The following SHANK2 variants were observed in gnomAD, a reference collection of about 807,000 sequenced individuals.
SHANK2 encodes the protein SH3 and multiple ankyrin repeat domains 2, also known as SH3 and multiple ankyrin repeat domains protein 2.
Under a neutral mutation model 133.7 loss-of-function variants are expected in SHANK2, and 43 were observed. That is an observed-to-expected ratio of 0.32 (90% confidence interval 0.25 to 0.41). The LOEUF (loss-of-function observed/expected upper bound fraction) is 0.41, where lower values mean the gene tolerates loss of function less well. SHANK2 is among the 10% of genes least tolerant of loss of function. The pLI, the probability that SHANK2 is intolerant of heterozygous loss-of-function variation, is 1.00. For missense variants in SHANK2, 1,994 were observed against 2,235.8 expected (o/e 0.89, Z 2.18); for synonymous variants, 1,017 against 952.8 (o/e 1.07, Z -1.24).
chr11:70,634,983 G>A (rs2061052314), intron 17 of SHANK2: 1 of 152,156 alleles, frequency 6.6e-6, no homozygotes, highest in African/African-American at 2.4e-5. Context: ...TTAGAGAAAG[G>A]CAAATCCAAA....
At chr11:70,552,303 C>T (rs552074671) in intron 17 of SHANK2, among the ~76,000 whole-genome samples, 11 of 152,248 alleles carry the variant, frequency 7.2e-5, no homozygotes, top group Non-Finnish European at 1.0e-4. Context: ...AATGCCTGGG[C>T]GCCTCCAGCC....
rs540478674 is a variant in SHANK2, at chr11:70,578,963, C to T, written c.2062-76032G>A. 5.4e-4 allele frequency among the ~76,000 whole-genome samples: 82 copies of T among 152,284 alleles called. No homozygotes were observed. In the Middle Eastern group the frequency reaches 0.01, roughly 19 times the overall value. ...CATTCCCACACACCTCAGCACCAGCCGGGCGACCCCATCCACCCTCTGCCC... is the reference window on the plus strand; with the variant it reads ...CATTCCCACACACCTCAGCACCAGCTGGGCGACCCCATCCACCCTCTGCCC... On this transcript the variant is annotated intron_variant, in intron 17 of 25. Transcript: ENST00000601538.
chr11:71,224,510 A>T (rs1288742882), intron 2 of SHANK2, among the ~76,000 whole-genome samples, 187 bp downstream of exon 2: 1 of 152,204 alleles, frequency 6.6e-6, no homozygotes, highest in Non-Finnish European at 1.5e-5. Context: ...AAGGTCACAC[A>T]AGCGGGCCAC....
At chr11:70,513,886 C>T (rs868946663) in intron 17 of SHANK2, among the ~76,000 whole-genome samples, 4 of 152,016 alleles carry the variant, frequency 2.6e-5, no homozygotes, top group East Asian at 3.9e-4. Context: ...TCTAACATAA[C>T]GTGAACGAGA....
At chr11:71,176,776 AAG>A (rs1363276492) in intron 2 of SHANK2, among the ~76,000 whole-genome samples, 2 of 152,154 alleles carry the variant, frequency 1.3e-5, no homozygotes, top group Non-Finnish European at 2.9e-5. Context: ...TCTAAAAAAA[AAG>A]AGGGGGGAAC....
Position 70,486,071 on chromosome 11 carries a change from T to C in SHANK2, c.4222A>G (p.Thr1408Ala). 1 of 1,613,886 alleles carries C rather than the reference T, an allele frequency of 6.2e-7. No homozygotes were observed. Among genetic ancestry groups the C allele is most frequent in the Non-Finnish European group, 8.5e-7 (1 of 1,179,970 alleles). ...TCCAGGGGAGGAGGCAATGGCTCTG[T>C]AAAAATAAAATCCTCATCCAAGTCC... ...SVDLDEDFIF[T>A]EPLPPPLEFA... The change falls in exon 25 of 26, where the codon ACA becomes GCA. Residue 1408 changes from threonine to alanine, a missense_variant. This residue lies in a region of SHANK2 where 797 missense variants were observed against 907.4 expected (regional missense o/e 0.88). Coordinates refer to ENST00000601538, the MANE Select transcript of SHANK2 (RefSeq NM_012309.5). The surrounding 1 kb of genome is among the most constrained non-coding windows in gnomAD (Gnocchi z 8.0).
intron 14 of SHANK2, among the ~76,000 whole-genome samples, chr11:70,727,261 T>G (rs1429468423): frequency 1.3e-5 from 2 of 152,260 alleles, no homozygotes; most frequent in African/African-American, 4.8e-5. Context: ...AATTTTAAAG[T>G]GCAAGGTAGC....
intron 11 of SHANK2, among the ~76,000 whole-genome samples, chr11:70,888,465 T>C (rs1487157936): frequency 1.5e-5 from 1 of 66,698 alleles, no homozygotes; most frequent in Admixed American, 2.2e-4. Flanking sequence ...TGCCAATATG[T>C]GTCCCACCCT....
chr11:70,531,908 C>A (rs1447357305), intron 17 of SHANK2, among the ~76,000 whole-genome samples: 3 of 152,152 alleles, frequency 2.0e-5, no homozygotes, highest in Non-Finnish European at 4.4e-5. Context: ...GCCAAACCTT[C>A]CCGGAGCTGA....
intron 10 of SHANK2, among the ~76,000 whole-genome samples, chr11:70,905,783 T>C (rs1950093397): frequency 6.6e-6 from 1 of 151,182 alleles, no homozygotes. Context: ...CTATTGTTTA[T>C]AAGCCACCAC....
chr11:70,663,446 G>A (rs569420073), intron 15 of SHANK2, among the ~76,000 whole-genome samples: 174 of 152,296 alleles, frequency 1.1e-3, no homozygotes, highest in African/African-American at 4.0e-3. Flanking sequence ...GTGAGGCTCA[G>A]AGAGATCGGA....
chr11:71,148,224 G>A (rs1421624681), intron 2 of SHANK2, among the ~76,000 whole-genome samples: 2 of 152,074 alleles, frequency 1.3e-5, no homozygotes, highest in South Asian at 2.1e-4. Context: ...AGCTGGGATT[G>A]CAGGCATGCG....
In SHANK2 at chr11:70,470,688, C is replaced by A. The variant is rs1223544406; in HGVS notation, c.*2181G>T. The stretch of plus-strand genomic sequence containing the variant: ...TATCTAGAGTAATGCTCATTCATCT[C>A]ATGATGGAAAAACTGAAAGCACACG... On this transcript the variant is annotated 3_prime_UTR_variant, in exon 26 of 26. Transcript: ENST00000601538. 1 of 152,348 alleles carries A rather than the reference C, an allele frequency of 6.6e-6. No homozygotes were observed. Among genetic ancestry groups the A allele is most frequent in the East Asian group, 1.9e-4 (1 of 5,202 alleles). The allele number at this position is 152,348 out of a possible 1,614,324, so 9.4% of individuals were successfully genotyped here. A position where few individuals can be genotyped will look rare whatever the true frequency, so the allele number is the denominator to read the frequency against.
chr11:70,884,040 G>A (rs562058652), intron 11 of SHANK2, among the ~76,000 whole-genome samples: 83 of 152,304 alleles, frequency 5.4e-4, no homozygotes, highest in African/African-American at 1.9e-3. Context: ...GGTGGGTGGC[G>A]CTCAGGGGCA....
intron 10 of SHANK2, among the ~76,000 whole-genome samples, chr11:70,916,037 G>T (rs1000272402): frequency 3.9e-5 from 6 of 152,092 alleles, no homozygotes. Flanking sequence ...TTGTTTTTGG[G>T]AGCCAGACAT....
chr11:70,936,799 C>T (rs1387266634), intron 10 of SHANK2, among the ~76,000 whole-genome samples: 8 of 152,176 alleles, frequency 5.3e-5, no homozygotes, highest in African/African-American at 1.9e-4. Context: ...CAACAGCCCT[C>T]CCTAAAGAAC....
intron 17 of SHANK2, among the ~76,000 whole-genome samples, chr11:70,550,287 A>C (rs2059748362): frequency 6.6e-6 from 1 of 151,898 alleles, no homozygotes; most frequent in Admixed American, 6.6e-5. Context: ...CCCTTTCCCC[A>C]TGTCAGTTAG....
At chr11:71,131,766 A>G (rs1555103750) in intron 3 of SHANK2, among the ~76,000 whole-genome samples, 1 of 152,218 alleles carries the variant, frequency 6.6e-6, no homozygotes, top group African/African-American at 2.4e-5. Flanking sequence ...AAGGGGGGTT[A>G]TAATTAAAAA....
At chr11:71,230,856 A>AT (rs2135765769) in intron 1 of SHANK2, among the ~76,000 whole-genome samples, 1 of 152,364 alleles carries the variant, frequency 6.6e-6, no homozygotes, top group South Asian at 2.1e-4. Context: ...TGCTGGAGCA[A>AT]TTGGACATCC....
Sources: gnomAD v4.1 joint callset for allele counts (sites outside exome capture counted in the v4.1 genomes callset) on GRCh38, gnomAD v4.1.1 for gene constraint, gnomAD v4.1.1 regional missense constraint, Gnocchi (gnomAD v3.1) non-coding constraint, MANE v1.5 for transcripts, NCBI Gene and HGNC (gene_info 2026-07-23, HGNC 2026-07-21) for gene names.